PDZRN4: variants seen among roughly 807,000 people sequenced by gnomAD.
PDZRN4 encodes PDZ domain containing ring finger 4.
In PDZRN4, 70 loss-of-function variants were observed where a neutral mutation model predicts 99.0. The observed-to-expected ratio is 0.71, with a 90% confidence interval of 0.58 to 0.86. The LOEUF (loss-of-function observed/expected upper bound fraction) is 0.86. Among genes scored for constraint, PDZRN4 ranks in the 40% least tolerant of loss-of-function variants. The probability of loss-of-function intolerance (pLI) is 0.00; values close to 1 mark genes in which losing one functional copy is unlikely to be tolerated. For synonymous variants in PDZRN4, 551 were observed against 501.6 expected (o/e 1.10, Z -1.32); for missense variants, 1,474 against 1,331.2 (o/e 1.11, Z -1.67).
chr12:41,478,164 G>T (rs1282040816), intron 3 of PDZRN4, among the ~76,000 whole-genome samples: 2 of 152,078 alleles, frequency 1.3e-5, no homozygotes, highest in African/African-American at 4.8e-5. Flanking sequence ...CACCCAGGCT[G>T]GAGTGCAGTG....
At chr12:41,480,956 A>C (rs377162386) in intron 3 of PDZRN4, among the ~76,000 whole-genome samples, 2 of 151,352 alleles carry the variant, frequency 1.3e-5, no homozygotes, top group South Asian at 2.1e-4. Context: ...AGCCAAAACA[A>C]AGCCTTAAAT....
At chr12:41,232,679 A>ATCCCATTTG (rs1951036493) in intron 3 of PDZRN4, among the ~76,000 whole-genome samples, 1 of 152,180 alleles carries the variant, frequency 6.6e-6, no homozygotes, top group South Asian at 2.1e-4. Flanking sequence ...GTTTAACTAG[A>ATCCCATTTG]TCCCATTTGT....
At chr12:41,348,952 C>T (rs937658744) in intron 3 of PDZRN4, among the ~76,000 whole-genome samples, 7 of 151,866 alleles carry the variant, frequency 4.6e-5, no homozygotes, top group African/African-American at 1.7e-4. Flanking sequence ...GTATATGAAT[C>T]TAAATATTTT....
chr12:41,491,927 A>G (rs1021964507), intron 3 of PDZRN4, among the ~76,000 whole-genome samples: 8 of 152,188 alleles, frequency 5.3e-5, no homozygotes, highest in Non-Finnish European at 1.0e-4. Flanking sequence ...ACTGAATAAA[A>G]ATATTTTCAC....
chr12:41,534,596 C>G (rs926679571), intron 5 of PDZRN4, among the ~76,000 whole-genome samples: 2 of 152,106 alleles, frequency 1.3e-5, no homozygotes, highest in Non-Finnish European at 2.9e-5. Flanking sequence ...GCTTCCAGCT[C>G]CATCCATGTA....
At chr12:41,529,630 A>T (rs527839994) in intron 5 of PDZRN4, among the ~76,000 whole-genome samples, 1 of 152,340 alleles carries the variant, frequency 6.6e-6, no homozygotes, top group South Asian at 2.1e-4. Flanking sequence ...GTCACAAATA[A>T]CAGTTGCCCA....
intron 9 of PDZRN4, among the ~76,000 whole-genome samples, chr12:41,570,963 C>T (rs7133573): frequency 0.54 from 81,422 of 151,208 alleles, 22,048 homozygotes; most frequent in South Asian, 0.64. Context: ...TACTTTTTAT[C>T]CTGCCACTAC....
chr12:41,540,853 C>T (rs1339837536), intron 5 of PDZRN4, among the ~76,000 whole-genome samples: 1 of 115,182 alleles, frequency 8.7e-6, no homozygotes, highest in Non-Finnish European at 1.9e-5. Flanking sequence ...GCCCCAAGGC[C>T]CCTTTTCTTC....
Position 41,211,962 on chromosome 12 carries a change from T to C in PDZRN4, c.843+17774T>C, listed in dbSNP as rs530027960. On this transcript the variant is annotated intron_variant, in intron 3 of 9. Coordinates refer to ENST00000402685, the MANE Select transcript of PDZRN4 (RefSeq NM_001164595.2). Reference sequence around the variant, plus strand: ...ATTTCTAAAATAGGTATATTTGCCTTAGTTTAGTTTTATGGAGAAACTCCC... The same window carrying C: ...ATTTCTAAAATAGGTATATTTGCCTCAGTTTAGTTTTATGGAGAAACTCCC... Among the ~76,000 whole-genome samples the C allele has an allele frequency of 3.1e-4, 47 of 152,108 alleles. 1 individual carries two copies. Among genetic ancestry groups the C allele is most frequent in the Admixed American group, 5.2e-4 (8 of 15,254 alleles).
intron 3 of PDZRN4, among the ~76,000 whole-genome samples, chr12:41,385,825 A>G (rs1952166279): frequency 6.6e-6 from 1 of 152,194 alleles, no homozygotes; most frequent in South Asian, 2.1e-4. Flanking sequence ...TGAGGCTAGC[A>G]TCATCCTGAT....
intron 2 of PDZRN4, among the ~76,000 whole-genome samples, chr12:41,192,574 ATAT>A (rs1393519063): frequency 6.6e-6 from 1 of 152,218 alleles, no homozygotes; most frequent in African/African-American, 2.4e-5. Flanking sequence ...CTATTTGATA[ATAT>A]TAGGCAATTG....
At chr12:41,212,537 T>G (rs1324796292) in intron 3 of PDZRN4, among the ~76,000 whole-genome samples, 1 of 152,060 alleles carries the variant, frequency 6.6e-6, no homozygotes, top group Non-Finnish European at 1.5e-5. Flanking sequence ...CTAATTCTCT[T>G]TTTTAAAATA....
rs556616951 is a variant in PDZRN4 at position 41,529,756 on chromosome 12, C to G, written c.1203+19843C>G. Among the ~76,000 whole-genome samples, 3 of 152,294 alleles carry G rather than the reference C, an allele frequency of 2.0e-5. No homozygotes were observed. In the South Asian group the frequency reaches 6.2e-4, roughly 32 times the overall value. On this transcript the variant is annotated intron_variant, in intron 5 of 9. Transcript: ENST00000402685. ...CTCCTCAAAATCCTTCCAGAAGATT[C>G]TGAGTGTCCTCAGGGTATGTGTCAT...
intron 3 of PDZRN4, among the ~76,000 whole-genome samples, chr12:41,286,921 G>C (rs1951426275): frequency 6.6e-6 from 1 of 151,908 alleles, no homozygotes; most frequent in Non-Finnish European, 1.5e-5. Context: ...TGGTCTTTAT[G>C]TTACCTAGGC....
At chr12:41,447,888 T>C (rs1387595136) in intron 3 of PDZRN4, among the ~76,000 whole-genome samples, 2 of 149,452 alleles carry the variant, frequency 1.3e-5, no homozygotes, top group Non-Finnish European at 3.0e-5. Context: ...AAGTATCTCA[T>C]AAAGAAAAAA....
chr12:41,218,115 A>G (rs1373866857), intron 3 of PDZRN4, among the ~76,000 whole-genome samples: 1 of 152,126 alleles, frequency 6.6e-6, no homozygotes, highest in African/African-American at 2.4e-5. Context: ...TGAACCTATT[A>G]AAAGAATTAA....
chr12:41,266,847 T>G (rs1373639399), intron 3 of PDZRN4, among the ~76,000 whole-genome samples: 1 of 152,230 alleles, frequency 6.6e-6, no homozygotes, highest in Admixed American at 6.5e-5. Flanking sequence ...TTTATAATAA[T>G]ACATCAGTTA....
At chr12:41,430,671 G>A (rs1454594455) in intron 3 of PDZRN4, among the ~76,000 whole-genome samples, 4 of 152,014 alleles carry the variant, frequency 2.6e-5, no homozygotes, top group Admixed American at 6.6e-5. Context: ...AGTGTACAAT[G>A]GCAAACAAGG....
intron 3 of PDZRN4, among the ~76,000 whole-genome samples, chr12:41,443,385 T>A (rs971962515): frequency 1.3e-5 from 2 of 151,764 alleles, no homozygotes; most frequent in Admixed American, 6.6e-5. Flanking sequence ...GGATTGGGAG[T>A]TGGAAACTAT....
Sources: allele counts gnomAD v4.1 joint callset (sites outside exome capture counted in the v4.1 genomes callset), GRCh38; gene constraint gnomAD v4.1.1; transcripts MANE v1.5; gene names NCBI Gene and HGNC (gene_info 2026-07-23, HGNC 2026-07-21).